The following SLC8A1 variants were observed in gnomAD, a reference collection of about 807,000 sequenced individuals.
The protein encoded by SLC8A1 is sodium/calcium exchanger 1.
A neutral mutation model predicts 68.3 loss-of-function variants in SLC8A1; 18 were observed. The ratio of observed to expected loss-of-function variants is 0.26; its 90% CI spans 0.18 to 0.39. SLC8A1 has a LOEUF of 0.39. Among genes scored for constraint, SLC8A1 ranks in the 10% least tolerant of loss-of-function variants. The pLI is 1.00. For synonymous variants in SLC8A1, 475 were observed against 415.5 expected (o/e 1.14, Z -1.74); for missense variants, 985 against 1,156.7 (o/e 0.85, Z 2.15).
intron 2 of SLC8A1, among the ~76,000 whole-genome samples, chr2:40,345,656 A>G (rs1669020428): frequency 6.6e-6 from 1 of 152,188 alleles, no homozygotes; most frequent in Non-Finnish European, 1.5e-5. Flanking sequence ...AAAACCCTCT[A>G]TGCAGCCATA....
At chr2:40,372,847 G>A (rs894219399) in intron 2 of SLC8A1, among the ~76,000 whole-genome samples, 10 of 152,150 alleles carry the variant, frequency 6.6e-5, no homozygotes, top group Admixed American at 3.9e-4. Flanking sequence ...ATTATCTCTG[G>A]CTTTGGTGTT....
At chr2:40,218,694 T>C (rs1282220498) in intron 2 of SLC8A1, among the ~76,000 whole-genome samples, 1 of 151,260 alleles carries the variant, frequency 6.6e-6, no homozygotes, top group Non-Finnish European at 1.5e-5. Context: ...GTGACCATAA[T>C]GCTTTATGAA....
chr2:40,227,197 T>C (rs2059090331), intron 2 of SLC8A1, among the ~76,000 whole-genome samples: 1 of 152,178 alleles, frequency 6.6e-6, no homozygotes, highest in Admixed American at 6.5e-5. Flanking sequence ...TTTATGGTTC[T>C]TTGTTTTGTG....
intron 2 of SLC8A1, among the ~76,000 whole-genome samples, chr2:40,306,975 G>T (rs1036307876): frequency 6.6e-6 from 1 of 151,836 alleles, no homozygotes; most frequent in Non-Finnish European, 1.5e-5. Flanking sequence ...TCCATAAGTT[G>T]AAAAAAATCA....
intron 2 of SLC8A1, among the ~76,000 whole-genome samples, chr2:40,211,645 A>G (rs1353531951): frequency 6.6e-6 from 1 of 152,180 alleles, no homozygotes; most frequent in Non-Finnish European, 1.5e-5. Flanking sequence ...TGGAAGTGAA[A>G]TGAATGGATC....
chr2:40,230,797 G>A (rs952738444), intron 2 of SLC8A1, among the ~76,000 whole-genome samples: 3 of 152,094 alleles, frequency 2.0e-5, no homozygotes, highest in Non-Finnish European at 4.4e-5. Flanking sequence ...TTACTATGAT[G>A]GTTCTGTTCA....
At chr2:40,321,006 C>G (rs1046840690) in intron 2 of SLC8A1, among the ~76,000 whole-genome samples, 1 of 152,068 alleles carries the variant, frequency 6.6e-6, no homozygotes, top group African/African-American at 2.4e-5. Context: ...AGGAGCCATG[C>G]AAGCCACAGG....
intron 1 of SLC8A1, among the ~76,000 whole-genome samples, chr2:40,506,932 T>A (rs1706406534): frequency 6.6e-6 from 1 of 151,514 alleles, no homozygotes; most frequent in African/African-American, 2.4e-5. Context: ...TCATTCCCTT[T>A]TACAAAAGTA....
intron 2 of SLC8A1, among the ~76,000 whole-genome samples, chr2:40,288,862 T>TATATATATATATATA (rs2068778875): frequency 1.6e-5 from 2 of 125,832 alleles, no homozygotes; most frequent in African/African-American, 3.4e-5. Context: ...TGTATATATA[T>TATATATATATATATA]GATTTTTTTT....
intron 2 of SLC8A1, among the ~76,000 whole-genome samples, chr2:40,311,896 G>C (rs954599293): frequency 6.6e-6 from 1 of 152,094 alleles, no homozygotes; most frequent in Non-Finnish European, 1.5e-5. Flanking sequence ...CACAAACTCA[G>C]AAAATAGTTC....
chr2:40,378,056 T>C (rs1680496165), intron 2 of SLC8A1, among the ~76,000 whole-genome samples: 1 of 152,146 alleles, frequency 6.6e-6, no homozygotes, highest in South Asian at 2.1e-4. Context: ...ACCTGCTGTA[T>C]GCAATGCGTT....
In SLC8A1 at chr2:40,145,130, T is replaced by C. The variant is rs1042378985; in HGVS notation, c.2162-5454A>G. Among the ~76,000 whole-genome samples the C allele has an allele frequency of 2.0e-5, 3 of 152,290 alleles. No homozygotes were observed. The South Asian group carries it at 6.2e-4, about 32-fold the overall frequency. ...ACTGCTTCATTCCTATCTTGGTGTA[T>C]TTGAGCTCTTTTCAAACATATATAT... On this transcript the variant is annotated intron_variant, in intron 6 of 7. Transcript: ENST00000406785.
At chr2:40,284,572 A>G (rs908288555) in intron 2 of SLC8A1, among the ~76,000 whole-genome samples, 2 of 147,536 alleles carry the variant, frequency 1.4e-5, no homozygotes, top group African/African-American at 4.9e-5. Context: ...ATATTGTTAT[A>G]TATCTATATA....
chr2:40,373,941 T>A (rs1035142366), intron 2 of SLC8A1, among the ~76,000 whole-genome samples: 13 of 152,264 alleles, frequency 8.5e-5, no homozygotes, highest in Admixed American at 7.9e-4. Flanking sequence ...AGAAGGCAAC[T>A]TGATAGAGCA....
chr2:40,098,109 TG>T (rs1214951728), exon 8 of SLC8A1: 1 of 152,060 alleles, frequency 6.6e-6, no homozygotes, highest in African/African-American at 2.4e-5. Context: ...CATTTTATTT[TG>T]GTGTGTTTTG....
chr2:40,297,101 C>T (rs2070539853), intron 2 of SLC8A1, among the ~76,000 whole-genome samples: 1 of 152,046 alleles, frequency 6.6e-6, no homozygotes, highest in Admixed American at 6.6e-5. Flanking sequence ...CCTGATCTTA[C>T]CACTAGGCAC....
exon 8 of SLC8A1, chr2:40,108,859 T>C (rs2034386912): frequency 6.6e-6 from 1 of 152,176 alleles, no homozygotes; most frequent in Admixed American, 6.5e-5. Context: ...TCTCCTTAGA[T>C]AATTCATCTC....
chr2:40,238,078 C>T lies in SLC8A1; in HGVS notation c.1809-60223G>A, dbSNP rs557119923. Reference sequence around the variant, plus strand: ...TTTTTGTTTGTCTGTGCCCTGCCCCCAGAGGTGGAGCCTACAGAGGCAGGC... The same window carrying T: ...TTTTTGTTTGTCTGTGCCCTGCCCCTAGAGGTGGAGCCTACAGAGGCAGGC... On this transcript the variant is annotated intron_variant, in intron 2 of 7. Transcript: ENST00000406785. 3.8e-4 allele frequency among the ~76,000 whole-genome samples: 58 copies of T among 152,360 alleles called. No individual in the cohort carries two copies. In the East Asian group the frequency reaches 0.011, roughly 29 times the overall value.
chr2:40,262,541 G>A (rs1349741966), intron 2 of SLC8A1, among the ~76,000 whole-genome samples: 1 of 152,080 alleles, frequency 6.6e-6, no homozygotes. Context: ...TGATCTATTG[G>A]TTTGTAAACC....
Sources: gnomAD v4.1 joint callset for allele counts (sites outside exome capture counted in the v4.1 genomes callset) on GRCh38, gnomAD v4.1.1 for gene constraint, MANE v1.5 for transcripts, NCBI Gene and HGNC (gene_info 2026-07-23, HGNC 2026-07-21) for gene names.